ANKRD33B: variants seen among roughly 807,000 people sequenced by gnomAD.
The protein encoded by ANKRD33B is ankyrin repeat domain 33B.
ANKRD33B carries 6 observed loss-of-function variants against 21.5 expected under a neutral mutation model. That is an observed-to-expected ratio of 0.28 (90% CI 0.15 to 0.55). The LOEUF is 0.55. Ranked by LOEUF, ANKRD33B falls within the 20% of genes least tolerant of loss-of-function variation. The probability of loss-of-function intolerance (pLI) is 0.94; values close to 1 mark genes in which losing one functional copy is unlikely to be tolerated. For missense variants in ANKRD33B, 698 were observed against 747.2 expected (o/e 0.93, Z 0.77); for synonymous variants, 347 against 342.4 (o/e 1.01, Z -0.15).
chr5:10,566,437 G>T (rs1199998629), intron 1 of ANKRD33B, among the ~76,000 whole-genome samples: 1 of 152,104 alleles, frequency 6.6e-6, no homozygotes, highest in Non-Finnish European at 1.5e-5. Context: ...GCCAGTATGG[G>T]GGCCCGCTTT....
chr5:10,632,409 G>A (rs9312740), intron 2 of ANKRD33B, among the ~76,000 whole-genome samples: 2,593 of 152,308 alleles, frequency 0.017, 65 homozygotes, highest in Admixed American at 0.065. Context: ...CCCGGGTGGC[G>A]TGGGTGTCCA....
intron 3 of ANKRD33B, among the ~76,000 whole-genome samples, chr5:10,647,956 G>A (rs906786417): frequency 7.9e-5 from 12 of 152,152 alleles, no homozygotes; most frequent in African/African-American, 2.4e-4. Flanking sequence ...AAATCACTGG[G>A]TATTCTAGCC....
intron 1 of ANKRD33B, among the ~76,000 whole-genome samples, chr5:10,572,878 C>A (rs966253943): frequency 1.3e-5 from 2 of 152,210 alleles, no homozygotes; most frequent in African/African-American, 4.8e-5. Context: ...AGGTAAGCAT[C>A]CCAGAAACAG....
At position 10,564,832 on chromosome 5, in the gene ANKRD33B, G is replaced by T. The variant is rs772673602; in HGVS notation, c.365G>T (p.Arg122Met). The change falls in exon 1 of 4, where the codon AGG becomes ATG. Residue 122 changes from arginine (R) to methionine (M), a missense_variant and splice_region_variant. Physicochemically the swap from Arg to Met is moderately conservative, Grantham distance 91. Transcript: ENST00000296657. ...EEAQETDRNG[R>M]TGLIVACYHG... ...GCGCAGGAGACTGACCGCAACGGCA[G>T]GGTAAGCGGGCGTCCCCGCAGGATT... is the stretch of plus-strand genomic sequence containing the variant. The T allele has an allele frequency of 6.7e-7, 1 of 1,495,696 alleles. No individual in the cohort carries two copies. Among genetic ancestry groups the T allele is most frequent in the Non-Finnish European group, 8.9e-7 (1 of 1,123,074 alleles). 92.7% of individuals were successfully genotyped at this position (1,495,696 alleles called of 1,614,324 possible). A position where few individuals can be genotyped will look rare whatever the true frequency, so the allele number is the denominator to read the frequency against.
At chr5:10,646,221 T>G (rs934850251) in intron 3 of ANKRD33B, among the ~76,000 whole-genome samples, 2 of 152,152 alleles carry the variant, frequency 1.3e-5, no homozygotes. Flanking sequence ...GATTGAGCCC[T>G]GGGCAAAACA....
chr5:10,653,026 G>A lies in ANKRD33B; in HGVS notation c.*2913G>A, dbSNP rs148759882. ...TGCATGGGGGGAAGCCTGACCTCCC[G>A]GGGAGCTTTATTGTGGCCTCAGTGG... is the stretch of plus-strand genomic sequence containing the variant. On this transcript the variant is annotated 3_prime_UTR_variant, in exon 4 of 4. Coordinates refer to ENST00000296657, the MANE Select transcript of ANKRD33B (RefSeq NM_001164440.2). 9.8e-4 allele frequency: 178 copies of A among 181,678 alleles called. No individual in the cohort carries two copies. The highest frequency in any genetic ancestry group is 3.4e-3 in the African/African-American group (146 of 42,470). The allele number at this position is 181,678 out of a possible 1,614,324, so 11.3% of individuals were successfully genotyped here. A position where few individuals can be genotyped will look rare whatever the true frequency, so the allele number is the denominator to read the frequency against.
chr5:10,579,667 A>G (rs1466833222), intron 1 of ANKRD33B, among the ~76,000 whole-genome samples: 1 of 152,188 alleles, frequency 6.6e-6, no homozygotes, highest in African/African-American at 2.4e-5. Flanking sequence ...GTAGTATTAA[A>G]TGATTAAAAT....
chr5:10,634,193 G>A (rs1042344233), intron 2 of ANKRD33B, among the ~76,000 whole-genome samples: 1 of 152,174 alleles, frequency 6.6e-6, no homozygotes, highest in Non-Finnish European at 1.5e-5. Flanking sequence ...GCAGGCCTGG[G>A]CCTTGAACCT....
At chr5:10,590,309 T>A (rs1325393692) in intron 1 of ANKRD33B, among the ~76,000 whole-genome samples, 1 of 152,246 alleles carries the variant, frequency 6.6e-6, no homozygotes, top group Non-Finnish European at 1.5e-5. Context: ...TGTGTTATCT[T>A]GTCCAGGGAG....
At chr5:10,594,846 C>T (rs943857705) in intron 1 of ANKRD33B, among the ~76,000 whole-genome samples, 11 of 152,098 alleles carry the variant, frequency 7.2e-5, no homozygotes, top group Non-Finnish European at 1.5e-5. Context: ...TGCCGTTGAG[C>T]GGGTAGGAAA....
chr5:10,642,687 G>A (rs1230595127), intron 3 of ANKRD33B, among the ~76,000 whole-genome samples: 3 of 152,126 alleles, frequency 2.0e-5, no homozygotes, highest in Non-Finnish European at 2.9e-5. Context: ...AGAAGCCTTC[G>A]GACATGTTGG....
chr5:10,564,942 C>A, intron 1 of ANKRD33B, 109 bp downstream of exon 1: 1 of 1,366,966 alleles, frequency 7.3e-7, no homozygotes, highest in Non-Finnish European at 9.6e-7. Flanking sequence ...GTCCCTCGGT[C>A]ACTCAGCCGC....
intron 1 of ANKRD33B, among the ~76,000 whole-genome samples, chr5:10,583,412 C>T (rs1735487061): frequency 6.6e-6 from 1 of 152,234 alleles, no homozygotes. Context: ...CATTTTGGTT[C>T]TAATAATCCT....
At chr5:10,629,867 C>A (rs997807347) in intron 2 of ANKRD33B, among the ~76,000 whole-genome samples, 6 of 152,084 alleles carry the variant, frequency 3.9e-5, no homozygotes, top group African/African-American at 1.2e-4. Flanking sequence ...GTGGGAAATG[C>A]TGGGGAGATG....
chr5:10,605,542 T>TA (rs1456580909), intron 1 of ANKRD33B, among the ~76,000 whole-genome samples: 1 of 151,966 alleles, frequency 6.6e-6, no homozygotes, highest in Non-Finnish European at 1.5e-5. Flanking sequence ...TCCTTTTTTT[T>TA]TTTGAGGTGG....
intron 1 of ANKRD33B, among the ~76,000 whole-genome samples, chr5:10,605,046 T>C (rs978346736): frequency 6.6e-6 from 1 of 152,188 alleles, no homozygotes; most frequent in Non-Finnish European, 1.5e-5. Context: ...GGCCACAGGG[T>C]CCTCTTCCAA....
Position 10,654,240 on chromosome 5 carries a change from C to T in ANKRD33B, c.*4127C>T, listed in dbSNP as rs1268943938. 6.6e-6 allele frequency: 1 copy of T among 152,418 alleles called. No individual in the cohort carries two copies. Among genetic ancestry groups the T allele is most frequent in the Non-Finnish European group, 1.5e-5 (1 of 68,110 alleles). 9.4% of individuals were successfully genotyped at this position (152,418 alleles called of 1,614,324 possible). On this transcript the variant is annotated 3_prime_UTR_variant, in exon 4 of 4. Transcript: ENST00000296657. ...GCTTAGAATTCCTACACGGCTGTGC[C>T]TCTCCCACCCCGTCCTCTTTGCTCG...
intron 1 of ANKRD33B, among the ~76,000 whole-genome samples, chr5:10,599,895 T>A (rs1735896239): frequency 6.6e-6 from 1 of 152,282 alleles, no homozygotes; most frequent in South Asian, 2.1e-4. Context: ...TTTAGCTTTC[T>A]GAGGAACAAC....
chr5:10,620,261 G>T (rs924653688), intron 2 of ANKRD33B, among the ~76,000 whole-genome samples: 1 of 152,124 alleles, frequency 6.6e-6, no homozygotes, highest in African/African-American at 2.4e-5. Context: ...AGAGCTGGGG[G>T]TCTAGGATGG....
Sources: allele counts gnomAD v4.1 joint callset (sites outside exome capture counted in the v4.1 genomes callset), GRCh38; gene constraint gnomAD v4.1.1; transcripts MANE v1.5; gene names NCBI Gene and HGNC (gene_info 2026-07-23, HGNC 2026-07-21).